Variants in ELL2 observed in about 807,000 individuals in gnomAD.
ELL2 encodes RNA polymerase II elongation factor ELL2.
ELL2 carries 21 observed loss-of-function variants against 72.8 expected under a neutral mutation model. That is an observed-to-expected ratio of 0.29 (90% CI 0.20 to 0.42). ELL2 has a LOEUF of 0.42. Ranked by LOEUF, ELL2 falls within the 10% of genes least tolerant of loss-of-function variation. ELL2 has a pLI of 1.00. For synonymous variants in ELL2, 266 were observed against 283.2 expected, an observed-to-expected ratio of 0.94 and a Z score of 0.61; for missense variants, 568 against 772.8, an observed-to-expected ratio of 0.73 and a Z score of 3.14.
intron 3 of ELL2, among the ~76,000 whole-genome samples, chr5:95,915,225 C>A (rs1338469143): frequency 6.6e-6 from 1 of 152,204 alleles, no homozygotes; most frequent in Non-Finnish European, 1.5e-5. Context: ...GCCTCAGCCT[C>A]CCAAGTAGCT....
At chr5:95,900,426 A>G in intron 7 of ELL2, 1 of 265,160 alleles carries the variant, frequency 3.8e-6, no homozygotes. Flanking sequence ...TGGAAAGTAG[A>G]TAATCTTACA....
Position 95,927,462 on chromosome 5 carries a change from TGTGTATATAGACATACACACAC to T in ELL2, c.196-7939_196-7918del, listed in dbSNP as rs1750367302. Among the ~76,000 whole-genome samples the T allele has an allele frequency of 4.2e-4, 16 of 37,728 alleles. 3 individuals are homozygous for T. The highest frequency in any genetic ancestry group is 6.5e-4 in the Non-Finnish European group (15 of 22,952). The allele number at this position is 37,728 out of a possible 152,430, so 24.8% of individuals were successfully genotyped here. Reference sequence around the variant, plus strand: ...GTGTATATAGACATACACACACACGTGTGTATATAGACATACACACACGTGTGTATATAGACATACACACACG... The same window carrying T: ...GTGTATATAGACATACACACACACGTGTGTGTATATAGACATACACACACG... On this transcript the variant is annotated intron_variant, in intron 2 of 11. Coordinates refer to ENST00000237853, the MANE Select transcript of ELL2 (RefSeq NM_012081.6).
In ELL2 at chr5:95,927,842, T is replaced by G. The variant is rs1265409097; in HGVS notation, c.196-8297A>C. On this transcript the variant is annotated intron_variant, in intron 2 of 11. Transcript: ENST00000237853. Reference sequence around the variant, plus strand: ...ATAGACATACACACACACATATGTGTGTATATTTTACTTTGAATGTGATAA... The same window carrying G: ...ATAGACATACACACACACATATGTGGGTATATTTTACTTTGAATGTGATAA... 1.7e-5 allele frequency among the ~76,000 whole-genome samples: 2 copies of G among 119,638 alleles called. 1 individual carries two copies. The highest frequency in any genetic ancestry group is 3.3e-5 in the Non-Finnish European group (2 of 61,374). The allele number at this position is 119,638 out of a possible 152,430, so 78.5% of individuals were successfully genotyped here.
intron 2 of ELL2, among the ~76,000 whole-genome samples, chr5:95,929,588 A>G (rs1388154283): frequency 1.3e-5 from 2 of 152,096 alleles, no homozygotes; most frequent in Non-Finnish European, 2.9e-5. Flanking sequence ...TATTTGAAAC[A>G]CAGTGGAGTA....
At chr5:95,952,976 GT>G (rs1751475295) in intron 1 of ELL2, among the ~76,000 whole-genome samples, 1 of 152,166 alleles carries the variant, frequency 6.6e-6, no homozygotes, top group South Asian at 2.1e-4. Flanking sequence ...GGAAGAAGTG[GT>G]CAAGAGAATG....
intron 10 of ELL2, among the ~76,000 whole-genome samples, chr5:95,889,587 A>G (rs1331643804): frequency 6.6e-6 from 1 of 152,172 alleles, no homozygotes. Context: ...AAAAGAGAAA[A>G]ACACAATAGT....
intron 1 of ELL2, among the ~76,000 whole-genome samples, chr5:95,954,882 C>A (rs779471177): frequency 1.3e-5 from 2 of 152,152 alleles, no homozygotes; most frequent in Non-Finnish European, 2.9e-5. Context: ...TTATAGTCAT[C>A]CTGCACACCA....
intron 2 of ELL2, 47 bp downstream of exon 2, chr5:95,942,955 C>A (rs191069529): frequency 7.1e-7 from 1 of 1,409,548 alleles, no homozygotes; most frequent in African/African-American, 1.5e-5. Flanking sequence ...AGTTGAATAG[C>A]GTGCAAGAAC....
intron 1 of ELL2, among the ~76,000 whole-genome samples, chr5:95,955,258 A>C (rs1751587443): frequency 6.6e-6 from 1 of 152,222 alleles, no homozygotes; most frequent in Non-Finnish European, 1.5e-5. Flanking sequence ...TTTGTTTAAC[A>C]ATCTAGTTAC....
At chr5:95,897,803 C>T (rs551658937) in intron 8 of ELL2, among the ~76,000 whole-genome samples, 6 of 152,202 alleles carry the variant, frequency 3.9e-5, no homozygotes, top group Middle Eastern at 6.8e-3. Flanking sequence ...TTGACCTTTC[C>T]CCTGTGCTAA....
intron 1 of ELL2, among the ~76,000 whole-genome samples, chr5:95,951,064 C>T (rs1162317758): frequency 6.6e-6 from 1 of 151,198 alleles, no homozygotes; most frequent in African/African-American, 2.4e-5. Flanking sequence ...TTACTGTGAA[C>T]CAGCCTTTAA....
At chr5:95,904,218 T>C (rs542212951) in intron 5 of ELL2, among the ~76,000 whole-genome samples, 140 of 152,204 alleles carry the variant, frequency 9.2e-4, no homozygotes, top group African/African-American at 3.0e-3. Context: ...GAGGGCAGGG[T>C]TTCTATTGGG....
chr5:95,928,435 C>T lies in ELL2; in HGVS notation c.196-8890G>A, dbSNP rs1750474551. Reference sequence around the variant, plus strand: ...CCTTCCAAAATTTAAATATACAAAGCTGATATAAACTAAATTATCATCTCG... The same window carrying T: ...CCTTCCAAAATTTAAATATACAAAGTTGATATAAACTAAATTATCATCTCG... On this transcript the variant is annotated intron_variant, in intron 2 of 11. Transcript: ENST00000237853. 3.9e-5 allele frequency among the ~76,000 whole-genome samples: 6 copies of T among 152,120 alleles called. No individual in the cohort carries two copies. In the South Asian group the frequency reaches 1.0e-3, roughly 26 times the overall value.
intron 9 of ELL2, among the ~76,000 whole-genome samples, chr5:95,894,125 G>C (rs563564164): frequency 6.6e-6 from 1 of 152,122 alleles, no homozygotes; most frequent in African/African-American, 2.4e-5. Context: ...GGTAGTGGGC[G>C]CCTGTAATCC....
chr5:95,937,875 G>C (rs1024582676), intron 2 of ELL2, among the ~76,000 whole-genome samples: 2 of 152,108 alleles, frequency 1.3e-5, no homozygotes, highest in African/African-American at 2.4e-5. Context: ...AAGTCGGAGG[G>C]AAGGCATATT....
At chr5:95,940,537 T>C (rs1241524414) in intron 2 of ELL2, among the ~76,000 whole-genome samples, 1 of 152,176 alleles carries the variant, frequency 6.6e-6, no homozygotes, top group East Asian at 1.9e-4. Context: ...ATTTTAACAT[T>C]ATATGTTCAG....
intron 7 of ELL2, among the ~76,000 whole-genome samples, chr5:95,900,049 CCA>C (rs1749079249): frequency 1.3e-5 from 2 of 151,916 alleles, no homozygotes; most frequent in African/African-American, 4.8e-5. Context: ...GAGGTGCGTC[CCA>C]CTGTCTGTCA....
Position 95,898,565 on chromosome 5 carries a change from G to A in ELL2, c.1200C>T (p.Ser400=). Residue 400 remains serine, a synonymous_variant, in exon 8 of 12, where the codon AGC becomes AGT. Transcript: ENST00000237853. ...QIVNSNSNSP[S]TPEGRGTQDL... ...CTTGAGTCCCCCGGCCTTCTGGAGTGCTAGGGGAGTTGGAGTTAGAATTTA... is the reference window on the plus strand; with the variant it reads ...CTTGAGTCCCCCGGCCTTCTGGAGTACTAGGGGAGTTGGAGTTAGAATTTA... 6.2e-7 allele frequency: 1 copy of A among 1,614,096 alleles called. No homozygotes were observed. Among genetic ancestry groups the A allele is most frequent in the Non-Finnish European group, 8.5e-7 (1 of 1,180,010 alleles).
At chr5:95,942,266 G>A (rs1423198540) in intron 2 of ELL2, among the ~76,000 whole-genome samples, 3 of 151,828 alleles carry the variant, frequency 2.0e-5, no homozygotes, top group Non-Finnish European at 4.4e-5. Flanking sequence ...ATCCATTTAC[G>A]GATATTACAA....
Sources: gnomAD v4.1 joint callset for allele counts (sites outside exome capture counted in the v4.1 genomes callset) on GRCh38, gnomAD v4.1.1 for gene constraint, MANE v1.5 for transcripts, NCBI Gene and HGNC (gene_info 2026-07-23, HGNC 2026-07-21) for gene names.